SNPH: variants seen among roughly 807,000 people sequenced by gnomAD.
SNPH encodes syntaphilin.
A neutral mutation model predicts 36.8 loss-of-function variants in SNPH; 10 were observed. That is an observed-to-expected ratio of 0.27 (90% CI 0.17 to 0.46). SNPH has a LOEUF of 0.46. SNPH is among the 20% of genes least tolerant of loss of function. The pLI is 1.00. For missense variants in SNPH, 622 were observed against 744.0 expected (o/e 0.84, Z 1.91); for synonymous variants, 281 against 312.2 (o/e 0.90, Z 1.05).
intron 2 of SNPH, among the ~76,000 whole-genome samples, chr20:1,289,255 C>T (rs998025949): frequency 6.6e-6 from 1 of 152,092 alleles, no homozygotes; most frequent in Non-Finnish European, 1.5e-5. Flanking sequence ...CCTGGCCTCC[C>T]TCTATGGGGA....
At chr20:1,299,284 C>T (rs2088477200) in intron 5 of SNPH, among the ~76,000 whole-genome samples, 1 of 152,202 alleles carries the variant, frequency 6.6e-6, no homozygotes, top group Admixed American at 6.5e-5. Flanking sequence ...CTGCCTTTTC[C>T]AGGCTCATAA....
At chr20:1,301,254 C>A (rs2088504347) in intron 6 of SNPH, among the ~76,000 whole-genome samples, 1 of 152,134 alleles carries the variant, frequency 6.6e-6, no homozygotes, top group Non-Finnish European at 1.5e-5. Context: ...CCAGGTGTCT[C>A]CCAGGAGCCC....
At chr20:1,281,276 T>C (rs976338258) in intron 2 of SNPH, among the ~76,000 whole-genome samples, 1 of 152,184 alleles carries the variant, frequency 6.6e-6, no homozygotes, top group Non-Finnish European at 1.5e-5. Context: ...ATAGCCTTCG[T>C]TAAAACGTCG....
In SNPH at chr20:1,296,329, C is replaced by T. The variant is rs773170529; in HGVS notation, c.90C>T (p.Pro30=). 1.0e-5 allele frequency: 16 copies of T among 1,596,800 alleles called. No homozygotes were observed. Among genetic ancestry groups the T allele is most frequent in the Middle Eastern group, 3.3e-4 (2 of 6,012 alleles). ...GPPTRPLSSA[P]GIPPIPPLTR... The stretch of plus-strand genomic sequence containing the variant: ...CAACCCGCCCTCTCTCCTCAGCCCC[C>T]GGGATACCGCCCATCCCACCCCTTA... The change falls in exon 4 of 7, where the codon CCC becomes CCT. Residue 30 remains proline (P), a synonymous_variant. Coordinates refer to ENST00000381867, the MANE Select transcript of SNPH (RefSeq NM_001318234.2).
In SNPH at chr20:1,280,553, G is replaced by A. The variant is rs559840968; in HGVS notation, c.-493+13793G>A. 2.6e-5 allele frequency among the ~76,000 whole-genome samples: 4 copies of A among 152,336 alleles called. No individual in the cohort carries two copies. The South Asian group carries it at 8.3e-4, about 32-fold the overall frequency. ...ACAACTGCTGTATGAGGTGGGATGT[G>A]TTATCTCCACTTTATACATGGGCAG... On this transcript the variant is annotated intron_variant, in intron 2 of 6. Transcript: ENST00000381867.
chr20:1,296,204 C>T lies in SNPH; in HGVS notation c.-36C>T, dbSNP rs2088429663. ...AGCCGTGGTCTGCCAGGCCCTCGCT[C>T]CTGGGGTGTCCTGCCGAAGGGTGAG... is the stretch of plus-strand genomic sequence containing the variant. On this transcript the variant is annotated 5_prime_UTR_variant, in exon 4 of 7. Coordinates refer to ENST00000381867, the MANE Select transcript of SNPH (RefSeq NM_001318234.2). 2 of 1,485,888 alleles carry T rather than the reference C, an allele frequency of 1.3e-6. No individual in the cohort carries two copies. Among genetic ancestry groups the T allele is most frequent in the East Asian group, 5.3e-5 (2 of 37,944 alleles). 92.0% of individuals were successfully genotyped at this position (1,485,888 alleles called of 1,614,324 possible). A position where few individuals can be genotyped will look rare whatever the true frequency, so the allele number is the denominator to read the frequency against.
chr20:1,266,811 AG>A lies in SNPH; in HGVS notation c.-493+53del. On this transcript the variant is annotated intron_variant, in intron 2 of 6. Transcript: ENST00000381867. This position sits in a 1 kb window ranked among gnomAD's most constrained non-coding sequence, Gnocchi z 6.0. ...AGCTGGCCCTGCGCTGCACCGCGGC[AG>A]GTGGGGGCCGCTTGCAACCGCTCGC... 1.5e-6 allele frequency: 2 copies of A among 1,302,910 alleles called. No homozygotes were observed. The highest frequency in any genetic ancestry group is 2.3e-5 in the South Asian group (1 of 44,300). 80.7% of individuals were successfully genotyped at this position (1,302,910 alleles called of 1,614,324 possible). A position where few individuals can be genotyped will look rare whatever the true frequency, so the allele number is the denominator to read the frequency against.
At chr20:1,298,325 C>A (rs534403338) in intron 5 of SNPH, among the ~76,000 whole-genome samples, 1 of 152,312 alleles carries the variant, frequency 6.6e-6, no homozygotes, top group African/African-American at 2.4e-5. Flanking sequence ...GATGCCCAGC[C>A]TGTGGCTCCC....
At chr20:1,274,224 G>A (rs1221892638) in intron 2 of SNPH, among the ~76,000 whole-genome samples, 1 of 152,126 alleles carries the variant, frequency 6.6e-6, no homozygotes, top group African/African-American at 2.4e-5. Flanking sequence ...GTTTTCAGGG[G>A]TAAAGGTATT....
At chr20:1,281,636 G>C (rs75573818) in intron 2 of SNPH, among the ~76,000 whole-genome samples, 2,447 of 152,274 alleles carry the variant, frequency 0.016, 27 homozygotes, top group South Asian at 0.037. Context: ...GCAGCTCCTG[G>C]GTACCTGGAG....
intron 3 of SNPH, among the ~76,000 whole-genome samples, chr20:1,295,348 AGGACTCG>A (rs1252763020): frequency 6.6e-6 from 1 of 152,182 alleles, no homozygotes; most frequent in East Asian, 1.9e-4. Context: ...AAGAAGCCTA[AGGACTCG>A]GGGGCAGGAA....
intron 2 of SNPH, among the ~76,000 whole-genome samples, chr20:1,286,484 A>C (rs2088285522): frequency 6.6e-6 from 1 of 152,204 alleles, no homozygotes; most frequent in Admixed American, 6.5e-5. Flanking sequence ...AAACAGGCAC[A>C]GTTGGGTGCG....
chr20:1,275,595 A>C (rs886676361), intron 2 of SNPH, among the ~76,000 whole-genome samples: 1 of 152,110 alleles, frequency 6.6e-6, no homozygotes, highest in Non-Finnish European at 1.5e-5. Flanking sequence ...CAAATACCTG[A>C]TTCCAGGGCC....
Position 1,294,675 on chromosome 20 carries a change from A to G in SNPH, c.-492-276A>G, listed in dbSNP as rs2088406585. 6.6e-6 allele frequency among the ~76,000 whole-genome samples: 1 copy of G among 152,232 alleles called. No homozygotes were observed. On this transcript the variant is annotated intron_variant, in intron 2 of 6. Transcript: ENST00000381867. This position sits in a 1 kb window ranked among gnomAD's most constrained non-coding sequence, Gnocchi z 4.4. ...GGCTGTGTTCTATGTCCCCGCCAGG[A>G]AACAGGCCATCTGAGTAGTGCCTTT...
intron 2 of SNPH, among the ~76,000 whole-genome samples, chr20:1,282,759 A>T (rs746733996): frequency 1.3e-5 from 2 of 152,192 alleles, no homozygotes; most frequent in Non-Finnish European, 2.9e-5. Flanking sequence ...TTCATCCAGC[A>T]GTGTGTGTGC....
chr20:1,304,959 G>C lies in SNPH; in HGVS notation c.522G>C (p.Glu174Asp). 1 of 1,613,930 alleles carries C rather than the reference G, an allele frequency of 6.2e-7. No individual in the cohort carries two copies. The highest frequency in any genetic ancestry group is 8.5e-7 in the Non-Finnish European group (1 of 1,180,048). ...TTGAGGAGGAGTGCCACCGCGTGGA[G>C]GCCCAGCTGGCCCTGAAGGAGGCCC... The part of the protein sequence containing the change: ...DWIEEECHRV[E>D]AQLALKEARK... The change falls in exon 7 of 7, where the codon GAG (glutamate) becomes GAC (aspartate). Residue 174 changes from glutamate (E) to aspartate (D), a missense_variant. Around this residue, in one of 3 missense-constraint regions of SNPH, gnomAD observed 56 missense variants for 106.6 expected, o/e 0.53. Transcript: ENST00000381867. This position sits in a 1 kb window ranked among gnomAD's most constrained non-coding sequence, Gnocchi z 4.3.
At chr20:1,298,443 A>G (rs2088465744) in intron 5 of SNPH, among the ~76,000 whole-genome samples, 1 of 152,228 alleles carries the variant, frequency 6.6e-6, no homozygotes, top group Admixed American at 6.5e-5. Flanking sequence ...CGTGACACAC[A>G]TGATGGGTAA....
intron 2 of SNPH, among the ~76,000 whole-genome samples, chr20:1,288,625 T>TC (rs1469498152): frequency 2.0e-5 from 3 of 149,244 alleles, no homozygotes; most frequent in African/African-American, 7.3e-5. Context: ...TTTTCTTTTT[T>TC]TCTTTTTTTT....
rs754555950 is a variant in SNPH, at chr20:1,305,455, C to G, written c.1018C>G (p.Leu340Val). Residue 340 changes from leucine to valine, a missense_variant, in exon 7 of 7, where the codon CTG (leucine) becomes GTG (valine). Physicochemically the swap from Leu to Val is conservative, Grantham distance 32 (BLOSUM62 1). Coordinates refer to ENST00000381867, the MANE Select transcript of SNPH (RefSeq NM_001318234.2). ...RFPASNTYEK[L>V]LCGMEAGVQA... ...CCCTGCCAGCAACACCTATGAGAAG[C>G]TGCTGTGTGGCATGGAGGCTGGTGT... 6.2e-7 allele frequency: 1 copy of G among 1,613,274 alleles called. No homozygotes were observed. Among genetic ancestry groups the G allele is most frequent in the Non-Finnish European group, 8.5e-7 (1 of 1,180,050 alleles).
Sources: gnomAD v4.1 joint callset for allele counts (sites outside exome capture counted in the v4.1 genomes callset) on GRCh38, gnomAD v4.1.1 for gene constraint, gnomAD v4.1.1 regional missense constraint, Gnocchi (gnomAD v3.1) non-coding constraint, MANE v1.5 for transcripts, NCBI Gene and HGNC (gene_info 2026-07-23, HGNC 2026-07-21) for gene names.